Variants in PLOD1 observed in about 807,000 individuals in gnomAD.
PLOD1 encodes the protein procollagen-lysine,2-oxoglutarate 5-dioxygenase 1.
Under a neutral mutation model 94.7 loss-of-function variants are expected in PLOD1, and 70 were observed. The ratio of observed to expected loss-of-function variants is 0.74; its 90% confidence interval spans 0.61 to 0.90. The LOEUF (loss-of-function observed/expected upper bound fraction) is 0.90, where lower values mean the gene tolerates loss of function less well. PLOD1 is among the 40% of genes least tolerant of loss of function. The pLI, the probability that PLOD1 is intolerant of heterozygous loss-of-function variation, is 0.00. For synonymous variants in PLOD1, 417 were observed against 400.2 expected (o/e 1.04, Z -0.50); for missense variants, 905 against 972.7 (o/e 0.93, Z 0.93).
At chr1:11,939,286 C>T (rs919813562) in intron 1 of PLOD1, among the ~76,000 whole-genome samples, 1 of 151,988 alleles carries the variant, frequency 6.6e-6, no homozygotes, top group Non-Finnish European at 1.5e-5. Context: ...TTGGCTCCCA[C>T]GTGCAGGGCA....
intron 16 of PLOD1, among the ~76,000 whole-genome samples, chr1:11,969,060 G>A (rs1051600979): frequency 1.4e-4 from 18 of 132,684 alleles, no homozygotes; most frequent in African/African-American, 1.8e-4. Flanking sequence ...AGTTTTGCTC[G>A]TCACCCAGGT....
intron 1 of PLOD1, among the ~76,000 whole-genome samples, chr1:11,938,440 T>C (rs1214391448): frequency 6.6e-6 from 1 of 152,108 alleles, no homozygotes; most frequent in Non-Finnish European, 1.5e-5. Context: ...CTGGAAATGC[T>C]GCCTGGGGGA....
chr1:11,958,396 T>A lies in PLOD1; in HGVS notation c.844-120T>A. On this transcript the variant is annotated intron_variant, in intron 8 of 18. Transcript: ENST00000196061. This position sits in a 1 kb window ranked among gnomAD's most constrained non-coding sequence, Gnocchi z 4.3. ...ACTGGAGTTCCCCGGCCCGGGCACC[T>A]TTCTTGGGAAGTCTACATGCTTCTG... 1 of 1,159,330 alleles carries A rather than the reference T, an allele frequency of 8.6e-7. No homozygotes were observed. The highest frequency in any genetic ancestry group is 2.0e-5 in the Admixed American group (1 of 50,390). 71.8% of individuals were successfully genotyped at this position (1,159,330 alleles called of 1,614,324 possible). A position where few individuals can be genotyped will look rare whatever the true frequency, so the allele number is the denominator to read the frequency against.
chr1:11,941,586 T>A (rs1645615831), intron 1 of PLOD1, among the ~76,000 whole-genome samples: 1 of 152,010 alleles, frequency 6.6e-6, no homozygotes, highest in South Asian at 2.1e-4. Context: ...GTCAAGCAAT[T>A]CTCCTATCTC....
rs771006294 is a variant in PLOD1, at chr1:11,949,955, A to G, written c.302+49A>G. 6 of 1,592,682 alleles carry G rather than the reference A, an allele frequency of 3.8e-6. No individual in the cohort carries two copies. In the East Asian group the frequency reaches 1.3e-4, roughly 36 times the overall value. ...CCTGGGCCCCTCCGCGGAAGATAGAAGAATATTCTAAAATGAGGCCCTCCC... is the reference window on the plus strand; with the variant it reads ...CCTGGGCCCCTCCGCGGAAGATAGAGGAATATTCTAAAATGAGGCCCTCCC... On this transcript the variant is annotated intron_variant, in intron 3 of 18. Coordinates refer to ENST00000196061, the MANE Select transcript of PLOD1 (RefSeq NM_000302.4).
chr1:11,954,141 C>T (rs564083147), intron 5 of PLOD1, among the ~76,000 whole-genome samples: 127 of 150,036 alleles, frequency 8.5e-4, no homozygotes, highest in African/African-American at 2.8e-3. Flanking sequence ...GCTGGAATGA[C>T]AGGAGTGAGC....
At position 11,964,996 on chromosome 1, in the gene PLOD1, C is replaced by A. The variant is rs550461090; in HGVS notation, c.1470+211C>A. Among the ~76,000 whole-genome samples, 14 of 152,282 alleles carry A rather than the reference C, an allele frequency of 9.2e-5. No individual in the cohort carries two copies. The South Asian group carries it at 2.9e-3, about 32-fold the overall frequency. On this transcript the variant is annotated intron_variant, in intron 13 of 18. Coordinates refer to ENST00000196061, the MANE Select transcript of PLOD1 (RefSeq NM_000302.4). ...CTGGTCCTCAGGGGTCTGCAGGGAC[C>A]ATTTTAGCTGACCTGGTTTTTATAC...
Position 11,954,893 on chromosome 1 carries a change from G to A in PLOD1, c.643G>A (p.Asp215Asn). The A allele has an allele frequency of 6.2e-7, 1 of 1,611,978 alleles. No homozygotes were observed. ...RIFQNLDGALDEVVLKFEMGH... is the reference protein window; with the variant it reads ...RIFQNLDGALNEVVLKFEMGH... ...CTTCCAGAACCTGGATGGAGCCTTG[G>A]GTGAGCAGCCCCCACGGGGAGGGGT... Residue 215 changes from aspartate to asparagine, a missense_variant and splice_region_variant, in exon 6 of 19, where the codon GAT (aspartate) becomes AAT (asparagine). By Grantham distance (23) the Asp-to-Asn change is conservative. Transcript: ENST00000196061.
intron 1 of PLOD1, among the ~76,000 whole-genome samples, chr1:11,939,378 G>C (rs115854328): frequency 4.9e-4 from 75 of 152,280 alleles, no homozygotes; most frequent in Middle Eastern, 3.4e-3. Flanking sequence ...GGAGAGGGCG[G>C]AAGGGCTTCA....
At chr1:11,944,483 T>C (rs1287992948) in intron 1 of PLOD1, 3 of 1,311,528 alleles carry the variant, frequency 2.3e-6, no homozygotes, top group South Asian at 1.2e-5. Flanking sequence ...GCTGGCTTTT[T>C]CCATCCATGA....
At chr1:11,940,043 T>C (rs1645605933) in intron 1 of PLOD1, among the ~76,000 whole-genome samples, 1 of 152,122 alleles carries the variant, frequency 6.6e-6, no homozygotes, top group African/African-American at 2.4e-5. Flanking sequence ...GGATTACAGG[T>C]GTGAGCCACT....
chr1:11,965,587 C>T lies in PLOD1; in HGVS notation c.1578C>T (p.Asn526=), dbSNP rs758701213. The change falls in exon 14 of 19, where the codon AAC becomes AAT. Residue 526 remains asparagine (N), a synonymous_variant. Transcript: ENST00000196061. The part of the protein sequence containing the change: ...LHNDLWEVFS[N]PEDWKEKYIH... ...ACGACCTCTGGGAGGTGTTCAGCAA[C>T]CCCGAGGTGAGGCCAGGGTGGGCAC... is the stretch of plus-strand genomic sequence containing the variant. 1.9e-6 allele frequency: 3 copies of T among 1,605,776 alleles called. No individual in the cohort carries two copies. Among genetic ancestry groups the T allele is most frequent in the Non-Finnish European group, 2.6e-6 (3 of 1,172,740 alleles).
chr1:11,965,396 T>TGCCC (rs1645808814), intron 13 of PLOD1, 84 bp from the exon 14 acceptor site: 1 of 764,188 alleles, frequency 1.3e-6, no homozygotes. Context: ...GCTGCACTGT[T>TGCCC]GCCCGTCTGG....
rs1264171984 is a variant in PLOD1 at position 11,963,643 on chromosome 1, C to T, written c.1202+7C>T. The T allele has an allele frequency of 1.8e-5, 28 of 1,560,788 alleles. No individual in the cohort carries two copies. Among genetic ancestry groups the T allele is most frequent in the Middle Eastern group, 1.7e-4 (1 of 5,894 alleles). ...TGCTGATCCAACAGAACAAGTGAGG[C>T]TGCTCCGTCTGCACCCAGCACTGCT... is the stretch of plus-strand genomic sequence containing the variant. On this transcript the variant is annotated splice_region_variant and intron_variant, in intron 11 of 18. Coordinates refer to ENST00000196061, the MANE Select transcript of PLOD1 (RefSeq NM_000302.4). This position sits in a 1 kb window ranked among gnomAD's most constrained non-coding sequence, Gnocchi z 4.3.
rs147212424 is a variant in PLOD1, at chr1:11,967,774, G to A, written c.1755+683G>A. ...TAATTAATTAATTAATTTAGAGACC[G>A]AGTCTCACTCTGTCGCCCAGGCTGG... On this transcript the variant is annotated intron_variant, in intron 16 of 18. Transcript: ENST00000196061. Among the ~76,000 whole-genome samples the A allele has an allele frequency of 8.2e-3, 1,224 of 149,084 alleles. 18 individuals carry two copies. The highest frequency in any genetic ancestry group is 0.029 in the African/African-American group (1,168 of 40,446).
chr1:11,966,918 C>A, intron 15 of PLOD1, 69 bp from the exon 16 acceptor site: 2 of 975,956 alleles, frequency 2.0e-6, no homozygotes, highest in Non-Finnish European at 3.4e-6. Flanking sequence ...GGGTGTGTGG[C>A]CCTGAAGAGG....
At position 11,966,272 on chromosome 1, in the gene PLOD1, C is replaced by T; in HGVS notation, c.1606C>T (p.His536Tyr). The T allele has an allele frequency of 6.2e-7, 1 of 1,606,870 alleles. No homozygotes were observed. The highest frequency in any genetic ancestry group is 8.5e-7 in the Non-Finnish European group (1 of 1,176,646). Residue 536 changes from histidine to tyrosine, a missense_variant, in exon 15 of 19, where the codon CAC (histidine) becomes TAC (tyrosine). Physicochemically the swap from His to Tyr is moderately conservative, Grantham distance 83 (BLOSUM62 2). Coordinates refer to ENST00000196061, the MANE Select transcript of PLOD1 (RefSeq NM_000302.4). ...ACAGGACTGGAAGGAGAAGTACATC[C>T]ACCAGAACTACACCAAAGCCCTGGC... ...NPEDWKEKYI[H>Y]QNYTKALAGK...
At chr1:11,944,451 A>ACACACT in intron 1 of PLOD1, 2 of 958,838 alleles carry the variant, frequency 2.1e-6, no homozygotes, top group African/African-American at 1.8e-5. Flanking sequence ...ACACACACAC[A>ACACACT]CACTCACTCA....
chr1:11,961,271 G>C (rs1645776226), intron 10 of PLOD1, among the ~76,000 whole-genome samples: 1 of 152,118 alleles, frequency 6.6e-6, no homozygotes, highest in South Asian at 2.1e-4. Context: ...TGGGGTCCCA[G>C]CTACTGAAGA....
Sources: allele counts gnomAD v4.1 joint callset (sites outside exome capture counted in the v4.1 genomes callset), GRCh38; gene constraint gnomAD v4.1.1; non-coding constraint Gnocchi (gnomAD v3.1); transcripts MANE v1.5; gene names NCBI Gene and HGNC (gene_info 2026-07-23, HGNC 2026-07-21).